Variants in TMEM67 observed in about 807,000 individuals in gnomAD.
TMEM67 encodes the protein meckelin.
In TMEM67, 124 loss-of-function variants were observed where a neutral mutation model predicts 136.6. That is an observed-to-expected ratio of 0.91 (90% CI 0.78 to 1.05). TMEM67 has a LOEUF of 1.05. TMEM67 is among the 50% of genes least tolerant of loss of function. The pLI is 0.00. For missense variants in TMEM67, 1,107 were observed against 1,178.4 expected (o/e 0.94, Z 0.89); for synonymous variants, 364 against 390.5 (o/e 0.93, Z 0.80).
intron 7 of TMEM67, among the ~76,000 whole-genome samples, chr8:93,776,608 A>T (rs554009715): frequency 1.3e-5 from 2 of 152,216 alleles, no homozygotes; most frequent in African/African-American, 4.8e-5. Flanking sequence ...TGTTGAGGTA[A>T]TTATGTGGTT....
intron 3 of TMEM67, among the ~76,000 whole-genome samples, chr8:93,763,453 T>C (rs947271168): frequency 6.6e-6 from 1 of 152,214 alleles, no homozygotes. Context: ...GCCTTCTAAG[T>C]TGCAGAAACT....
At chr8:93,807,176 C>T (rs2130771447) in intron 23 of TMEM67, among the ~76,000 whole-genome samples, 1 of 152,226 alleles carries the variant, frequency 6.6e-6, no homozygotes, top group South Asian at 2.1e-4. Context: ...CACAAAGCTA[C>T]TGGTGGCAGG....
rs200828519 is a variant in TMEM67 at position 93,777,995 on chromosome 8, T to A, written c.715-2598T>A. On this transcript the variant is annotated intron_variant, in intron 7 of 27. Coordinates refer to ENST00000453321, the MANE Select transcript of TMEM67 (RefSeq NM_153704.6). ...ATTATTGTGTGGGAGTCTAAGTCTCTTTGTAGGTCTCTAAGGACTTGCTTT... is the reference window on the plus strand; with the variant it reads ...ATTATTGTGTGGGAGTCTAAGTCTCATTGTAGGTCTCTAAGGACTTGCTTT... Among the ~76,000 whole-genome samples, 169 of 152,320 alleles carry A rather than the reference T, an allele frequency of 1.1e-3. 2 individuals are homozygous for A. In the East Asian group the frequency reaches 0.031, roughly 28 times the overall value.
chr8:93,816,584 G>T lies in TMEM67; in HGVS notation c.*132G>T, dbSNP rs1387289929. On this transcript the variant is annotated 3_prime_UTR_variant, in exon 28 of 28. Coordinates refer to ENST00000453321, the MANE Select transcript of TMEM67 (RefSeq NM_153704.6). The stretch of plus-strand genomic sequence containing the variant: ...TGTTTTTGTTTTTTATTTGCAGAAA[G>T]ATTTATTTTTATAACTTGGGAATAT... The T allele has an allele frequency of 1.9e-6, 1 of 539,358 alleles. No individual in the cohort carries two copies. The highest frequency in any genetic ancestry group is 3.4e-6 in the Non-Finnish European group (1 of 297,224). The allele number at this position is 539,358 out of a possible 1,614,324, so 33.4% of individuals were successfully genotyped here. A position where few individuals can be genotyped will look rare whatever the true frequency, so the allele number is the denominator to read the frequency against.
rs745667937 is a variant in TMEM67, at chr8:93,754,959, C to T, written c.45C>T (p.Ser15=). 5 of 1,614,132 alleles carry T rather than the reference C, an allele frequency of 3.1e-6. No homozygotes were observed. Among genetic ancestry groups the T allele is most frequent in the Non-Finnish European group, 4.2e-6 (5 of 1,180,032 alleles). The change falls in exon 1 of 28, where the codon TCC becomes TCT. Residue 15 remains serine, a synonymous_variant. Coordinates refer to ENST00000453321, the MANE Select transcript of TMEM67 (RefSeq NM_153704.6). Reference sequence around the variant, plus strand: ...CTGGGGTGGCAATGGCGGTTTGGTCCCTCTTATCCGCCCGGGCCGTGACCG... The same window carrying T: ...CTGGGGTGGCAATGGCGGTTTGGTCTCTCTTATCCGCCCGGGCCGTGACCG... ...GGAGVAMAVW[S]LLSARAVTAF...
chr8:93,790,957 G>A (rs1428339962), intron 14 of TMEM67, among the ~76,000 whole-genome samples: 2 of 152,206 alleles, frequency 1.3e-5, no homozygotes, highest in African/African-American at 2.4e-5. Flanking sequence ...TGATGCACAA[G>A]TTTAGTCAAA....
chr8:93,779,293 G>A (rs1813701220), intron 7 of TMEM67, among the ~76,000 whole-genome samples: 2 of 152,096 alleles, frequency 1.3e-5, no homozygotes, highest in Admixed American at 1.3e-4. Context: ...CTTCCGACGG[G>A]TTCGAACATC....
chr8:93,795,408 G>A lies in TMEM67; in HGVS notation c.1675-1G>A. On this transcript the variant is annotated splice_acceptor_variant, in intron 16 of 27. Coordinates refer to ENST00000453321, the MANE Select transcript of TMEM67 (RefSeq NM_153704.6). LOFTEE classifies it high-confidence loss of function. The stretch of plus-strand genomic sequence containing the variant: ...CTGTAATTCTTTTTTTTAAATTGCA[G>A]ACAGTTGTGAAATTCTTGGTGTACT... 6.2e-7 allele frequency: 1 copy of A among 1,613,474 alleles called. No homozygotes were observed. The highest frequency in any genetic ancestry group is 8.5e-7 in the Non-Finnish European group (1 of 1,179,472).
At chr8:93,798,057 C>T (rs1377468180) in intron 20 of TMEM67, among the ~76,000 whole-genome samples, 1 of 152,184 alleles carries the variant, frequency 6.6e-6, no homozygotes, top group African/African-American at 2.4e-5. Context: ...CACCATTCAT[C>T]TTAGAACTCT....
intron 26 of TMEM67, among the ~76,000 whole-genome samples, chr8:93,811,492 A>G (rs1014560837): frequency 2.0e-5 from 3 of 152,212 alleles, no homozygotes; most frequent in Non-Finnish European, 2.9e-5. Flanking sequence ...TGCCTGATAC[A>G]CTAAGGAATT....
chr8:93,765,408 G>A lies in TMEM67; in HGVS notation c.509G>A (p.Cys170Tyr), dbSNP rs937558628. The A allele has an allele frequency of 1.2e-6, 2 of 1,610,502 alleles. No homozygotes were observed. Among genetic ancestry groups the A allele is most frequent in the Non-Finnish European group, 1.7e-6 (2 of 1,178,680 alleles). Residue 170 changes from cysteine (C) to tyrosine (Y), a missense_variant and splice_region_variant, in exon 5 of 28, where the codon TGC (cysteine) becomes TAC (tyrosine). This residue lies in a region of TMEM67 where 925 missense variants were observed against 1,002.4 expected (regional missense o/e 0.92). Transcript: ENST00000453321. Reference protein sequence around the residue: ...FMVVNALGDRCVRCEPTFVNT... With the variant: ...FMVVNALGDRYVRCEPTFVNT... ...ATTATTTTTGTTATATTGAACAGGT[G>A]CGTCCGATGTGAGCCAACATTTGTT...
chr8:93,815,194 T>C, intron 26 of TMEM67, 111 bp from the exon 27 acceptor site: 1 of 676,144 alleles, frequency 1.5e-6, no homozygotes, highest in Non-Finnish European at 2.5e-6. Flanking sequence ...TTGTATACAG[T>C]ATGTTTCTAA....
downstream of TMEM67, among the ~76,000 whole-genome samples, chr8:93,818,477 C>T (rs1397032874): frequency 6.6e-6 from 1 of 152,144 alleles, no homozygotes; most frequent in East Asian, 1.9e-4. Context: ...TTGCTGATGA[C>T]CTACATTGAG....
chr8:93,803,909 C>A (rs1172190886), intron 22 of TMEM67, among the ~76,000 whole-genome samples: 1 of 148,780 alleles, frequency 6.7e-6, no homozygotes, highest in African/African-American at 2.5e-5. Context: ...CGGTCTTGCT[C>A]CATCACCCAG....
Position 93,786,287 on chromosome 8 carries a change from A to C in TMEM67, c.1353A>C (p.Arg451=). The change falls in exon 13 of 28, where the codon CGA becomes CGC. Residue 451 remains arginine (R), a synonymous_variant. Coordinates refer to ENST00000453321, the MANE Select transcript of TMEM67 (RefSeq NM_153704.6). Reference sequence around the variant, plus strand: ...TCTTAGTGGATGCAGTAAGTGGACGAGAAAATGACTTAGGAACTCAGCCAA... The same window carrying C: ...TCTTAGTGGATGCAGTAAGTGGACGCGAAAATGACTTAGGAACTCAGCCAA... ...RIFLVDAVSG[R]ENDLGTQPRV... is the part of the protein sequence containing the mutation. 1 of 1,614,106 alleles carries C rather than the reference A, an allele frequency of 6.2e-7. No individual in the cohort carries two copies. Among genetic ancestry groups the C allele is most frequent in the Non-Finnish European group, 8.5e-7 (1 of 1,179,946 alleles).
chr8:93,791,268 T>C lies in TMEM67; in HGVS notation c.1524T>C (p.Ser508=). Residue 508 remains serine (S), a synonymous_variant, in exon 15 of 28, where the codon TCT becomes TCC. Transcript: ENST00000453321. ...KDANSQSVKV[S]FSVTYEMDHG... Reference sequence around the variant, plus strand: ...TGTTTTGTTTTAAATATCAGGTTTCTTTCTCAGTCACATATGAAATGGATC... The same window carrying C: ...TGTTTTGTTTTAAATATCAGGTTTCCTTCTCAGTCACATATGAAATGGATC... The C allele has an allele frequency of 6.2e-7, 1 of 1,601,684 alleles. No homozygotes were observed. The highest frequency in any genetic ancestry group is 2.2e-5 in the East Asian group (1 of 44,682).
In TMEM67 at chr8:93,780,753, G is replaced by T. The variant is rs766092377; in HGVS notation, c.869+6G>T. 7.4e-6 allele frequency: 12 copies of T among 1,613,660 alleles called. No homozygotes were observed. The highest frequency in any genetic ancestry group is 9.3e-6 in the Non-Finnish European group (11 of 1,179,980). On this transcript the variant is annotated splice_donor_region_variant and intron_variant, in intron 8 of 27. Transcript: ENST00000453321. Reference sequence around the variant, plus strand: ...GTTCATTCTATTTCATTTTGGTAAGGATATTTTGATTGATGAAATGTTATT... The same window carrying T: ...GTTCATTCTATTTCATTTTGGTAAGTATATTTTGATTGATGAAATGTTATT...
intron 21 of TMEM67, among the ~76,000 whole-genome samples, chr8:93,802,321 A>G (rs542246197): frequency 6.6e-6 from 1 of 152,210 alleles, no homozygotes; most frequent in African/African-American, 2.4e-5. Context: ...GGTGCCTTTC[A>G]ACATCTTCTT....
intron 22 of TMEM67, 53 bp downstream of exon 22, chr8:93,803,737 C>A: frequency 2.7e-6 from 3 of 1,101,694 alleles, no homozygotes; most frequent in South Asian, 1.2e-5. Flanking sequence ...TTTTAAAGGT[C>A]ATGAGTTTGT....
Sources: gnomAD v4.1 joint callset for allele counts (sites outside exome capture counted in the v4.1 genomes callset) on GRCh38, gnomAD v4.1.1 for gene constraint, gnomAD v4.1.1 regional missense constraint, MANE v1.5 for transcripts, NCBI Gene and HGNC (gene_info 2026-07-23, HGNC 2026-07-21) for gene names.